Variants in MATR3 observed in about 807,000 individuals in gnomAD.
MATR3 encodes the protein matrin-3.
MATR3 carries 4 observed loss-of-function variants against 85.5 expected under a neutral mutation model. The observed-to-expected ratio is 0.05, with a 90% CI of 0.02 to 0.11. The LOEUF is 0.11. Among genes scored for constraint, MATR3 ranks in the 10% least tolerant of loss-of-function variants. The pLI is 1.00. For missense variants in MATR3, 685 were observed against 1,016.1 expected, an observed-to-expected ratio of 0.67 and a Z score of 4.43; for synonymous variants, 336 against 343.1, an observed-to-expected ratio of 0.98 and a Z score of 0.23.
chr5:139,294,298 G>A (rs1158535493), intron 1 of MATR3, among the ~76,000 whole-genome samples: 2 of 152,222 alleles, frequency 1.3e-5, no homozygotes, highest in African/African-American at 4.8e-5. Context: ...TAGCGCCAGT[G>A]CCAAATAACC....
At position 139,317,057 on chromosome 5, in the gene MATR3, T is replaced by C. The variant is rs1755286444; in HGVS notation, c.1134T>C (p.Ala378=). ...PAVGPRGNLG[A]GNGNLQGPRH... is the part of the protein sequence containing the mutation. ...AAACTTTCTCTTCCCATAAAGGTGC[T>C]GGAAATGGAAACCTGCAAGGACCTA... Residue 378 remains alanine, a synonymous_variant, in exon 6 of 15, where the codon GCT becomes GCC. Coordinates refer to ENST00000394805, the MANE Select transcript of MATR3 (RefSeq NM_018834.6). 2 of 1,614,000 alleles carry C rather than the reference T, an allele frequency of 1.2e-6. No individual in the cohort carries two copies. Among genetic ancestry groups the C allele is most frequent in the Non-Finnish European group, 1.7e-6 (2 of 1,179,906 alleles).
intron 2 of MATR3, chr5:139,314,327 A>G (rs1184196789): frequency 3.2e-6 from 1 of 315,200 alleles, no homozygotes; most frequent in African/African-American, 2.1e-5. Context: ...CATACAATGA[A>G]TACTTCAGTT....
chr5:139,298,076 A>T (rs1754251758), intron 1 of MATR3, among the ~76,000 whole-genome samples: 1 of 152,252 alleles, frequency 6.6e-6, no homozygotes, highest in Admixed American at 6.5e-5. Flanking sequence ...GAGCAGTATT[A>T]TCTGCATTTA....
upstream of MATR3, among the ~76,000 whole-genome samples, chr5:139,289,994 G>A (rs1283411853): frequency 6.6e-6 from 1 of 152,160 alleles, no homozygotes; most frequent in Non-Finnish European, 1.5e-5. Context: ...TGTCCTTGAA[G>A]TATTTTGTTG....
intron 3 of MATR3, among the ~76,000 whole-genome samples, chr5:139,280,284 A>G (rs1753467343): frequency 6.6e-6 from 1 of 152,256 alleles, no homozygotes; most frequent in Non-Finnish European, 1.5e-5. Flanking sequence ...CCATACAAAA[A>G]CAGCAGGCTG....
intron 12 of MATR3, among the ~76,000 whole-genome samples, chr5:139,324,318 G>A (rs1295284466): frequency 7.0e-6 from 1 of 143,634 alleles, no homozygotes; most frequent in African/African-American, 2.6e-5. Flanking sequence ...TTTGGAGACG[G>A]AGTCTTGCTC....
upstream of MATR3, among the ~76,000 whole-genome samples, chr5:139,291,767 G>A (rs976556692): frequency 2.0e-5 from 3 of 152,012 alleles, no homozygotes; most frequent in African/African-American, 7.2e-5. Context: ...TCGAACTCCC[G>A]ACCTCAAGTG....
chr5:139,312,145 A>G (rs1028502299), intron 2 of MATR3: 2 of 151,954 alleles, frequency 1.3e-5, no homozygotes, highest in African/African-American at 4.8e-5. Context: ...ATTTTGTTTT[A>G]TGTTTTTGAG....
intron 2 of MATR3, chr5:139,310,604 A>G (rs1193638248): frequency 6.6e-6 from 1 of 152,132 alleles, no homozygotes; most frequent in African/African-American, 2.4e-5. Flanking sequence ...AACTTGGAAA[A>G]TCTGTTCTTT....
chr5:139,323,041 A>G (rs1333430563), intron 12 of MATR3, 74 bp downstream of exon 12: 4 of 1,394,762 alleles, frequency 2.9e-6, no homozygotes, highest in South Asian at 1.3e-5. Context: ...TTACCTAAGC[A>G]GGATCAGATA....
rs1445753068 is a variant in MATR3, at chr5:139,330,599, T to TA, written c.*1208dup. The TA allele has an allele frequency of 2.2e-6, 1 of 453,990 alleles. No individual in the cohort carries two copies. Among genetic ancestry groups the TA allele is most frequent in the Non-Finnish European group, 4.4e-6 (1 of 226,772 alleles). The allele number at this position is 453,990 out of a possible 1,614,324, so 28.1% of individuals were successfully genotyped here. On this transcript the variant is annotated 3_prime_UTR_variant, in exon 15 of 15. Coordinates refer to ENST00000394805, the MANE Select transcript of MATR3 (RefSeq NM_018834.6). ...GGATTTCTTGTTCCTGTTACATAAC[T>TA]AAAAGTGAGGCCATTTGTGGTTTTT...
chr5:139,304,834 A>C (rs760089146), intron 1 of MATR3, among the ~76,000 whole-genome samples: 7 of 152,148 alleles, frequency 4.6e-5, no homozygotes, highest in South Asian at 2.1e-4. Flanking sequence ...GTGTCTCCAT[A>C]TTGTGCTGCC....
chr5:139,317,558 G>C (rs1450571845), intron 6 of MATR3, 38 bp from the exon 7 acceptor site: 1 of 1,609,172 alleles, frequency 6.2e-7, no homozygotes, highest in South Asian at 1.1e-5. Context: ...TTGCTTTAAA[G>C]AGACTTAATT....
intron 9 of MATR3, among the ~76,000 whole-genome samples, chr5:139,320,224 G>T (rs1026490257): frequency 2.0e-5 from 3 of 151,696 alleles, no homozygotes; most frequent in Non-Finnish European, 4.4e-5. Context: ...CAGGAGAATG[G>T]CATGAACCCG....
At chr5:139,323,065 T>G in intron 12 of MATR3, 98 bp downstream of exon 12, 1 of 1,199,354 alleles carries the variant, frequency 8.3e-7, no homozygotes, top group Non-Finnish European at 1.2e-6. Context: ...TTATATGATT[T>G]AAATCAGAAA....
At chr5:139,298,259 AAAG>A (rs1170791920) in intron 1 of MATR3, among the ~76,000 whole-genome samples, 2 of 152,196 alleles carry the variant, frequency 1.3e-5, no homozygotes, top group Non-Finnish European at 2.9e-5. Flanking sequence ...GTAGTTGGGG[AAAG>A]AATAATGTCA....
chr5:139,319,605 T>A, intron 9 of MATR3, 104 bp downstream of exon 9: 7 of 1,092,844 alleles, frequency 6.4e-6, no homozygotes, highest in Non-Finnish European at 9.3e-6. Context: ...CCCAGCAGTT[T>A]GGGAGGCCAA....
chr5:139,327,793 A>G (rs1755935099), intron 14 of MATR3, among the ~76,000 whole-genome samples: 1 of 152,178 alleles, frequency 6.6e-6, no homozygotes, highest in African/African-American at 2.4e-5. Flanking sequence ...GTCGAGAAGA[A>G]TATGGAAATA....
rs1353004519 is a variant in MATR3 at position 139,330,947 on chromosome 5, T to C, written c.*1552T>C. ...CTGGGACTACAGGCTCATGCCACTA[T>C]ACCTGGCTAGTTTTTGGTTTTTTTG... On this transcript the variant is annotated 3_prime_UTR_variant, in exon 15 of 15. Transcript: ENST00000394805. The C allele has an allele frequency of 2.2e-6, 1 of 454,074 alleles. No individual in the cohort carries two copies. The highest frequency in any genetic ancestry group is 1.6e-5 in the South Asian group (1 of 64,478). 28.1% of individuals were successfully genotyped at this position (454,074 alleles called of 1,614,324 possible). A position where few individuals can be genotyped will look rare whatever the true frequency, so the allele number is the denominator to read the frequency against.
Sources: allele counts gnomAD v4.1 joint callset (sites outside exome capture counted in the v4.1 genomes callset), GRCh38; gene constraint gnomAD v4.1.1; transcripts MANE v1.5; gene names NCBI Gene and HGNC (gene_info 2026-07-23, HGNC 2026-07-21).